Variants in ATG10 observed in about 807,000 individuals in gnomAD.
The protein encoded by ATG10 is autophagy related 10.
ATG10 carries 30 observed loss-of-function variants against 32.1 expected under a neutral mutation model. The observed-to-expected ratio is 0.94, with a 90% CI of 0.70 to 1.27. The LOEUF (loss-of-function observed/expected upper bound fraction) is 1.27. Among genes scored for constraint, ATG10 ranks in the 50% most tolerant of loss-of-function variants. The probability of loss-of-function intolerance (pLI) is 0.00; values close to 1 mark genes in which losing one functional copy is unlikely to be tolerated. For synonymous variants in ATG10, 87 were observed against 91.5 expected, an observed-to-expected ratio of 0.95 and a Z score of 0.28; for missense variants, 233 against 262.3, an observed-to-expected ratio of 0.89 and a Z score of 0.77.
chr5:82,110,634 T>G (rs926254240), intron 3 of ATG10, among the ~76,000 whole-genome samples: 4 of 152,162 alleles, frequency 2.6e-5, no homozygotes, highest in African/African-American at 9.7e-5. Context: ...TTTGCCCACT[T>G]TTTGATGGGG....
chr5:81,981,347 AT>A (rs1761043303), intron 1 of ATG10, among the ~76,000 whole-genome samples: 1 of 152,230 alleles, frequency 6.6e-6, no homozygotes, highest in South Asian at 2.1e-4. Flanking sequence ...AGGATTCCAC[AT>A]TTGAATTTGC....
intron 5 of ATG10, among the ~76,000 whole-genome samples, chr5:82,229,884 G>T (rs1019027208): frequency 6.6e-6 from 1 of 152,172 alleles, no homozygotes; most frequent in Non-Finnish European, 1.5e-5. Context: ...AAGGATGGCT[G>T]TACCAGCTCA....
At chr5:82,217,953 G>T (rs370141002) in intron 5 of ATG10, among the ~76,000 whole-genome samples, 1 of 151,318 alleles carries the variant, frequency 6.6e-6, no homozygotes, top group Non-Finnish European at 1.5e-5. Context: ...CTCTAGCCTG[G>T]GCAACAGATC....
intron 3 of ATG10, among the ~76,000 whole-genome samples, chr5:82,125,059 CAT>C (rs1766210308): frequency 1.3e-5 from 2 of 152,134 alleles, no homozygotes; most frequent in East Asian, 1.9e-4. Context: ...AGCATTTTTT[CAT>C]ATGTTTGTTA....
At chr5:82,157,687 G>A (rs1007617885) in intron 3 of ATG10, among the ~76,000 whole-genome samples, 2 of 152,128 alleles carry the variant, frequency 1.3e-5, no homozygotes, top group South Asian at 2.1e-4. Flanking sequence ...TTCATCAGTC[G>A]TTATCACTTC....
chr5:82,050,191 T>G (rs894197984), intron 2 of ATG10, among the ~76,000 whole-genome samples: 1 of 152,122 alleles, frequency 6.6e-6, no homozygotes, highest in African/African-American at 2.4e-5. Context: ...TTATTATTTA[T>G]AATAGCTATG....
intron 2 of ATG10, among the ~76,000 whole-genome samples, chr5:82,015,548 ACTTCT>A (rs901888795): frequency 1.3e-5 from 2 of 151,784 alleles, no homozygotes; most frequent in African/African-American, 4.8e-5. Flanking sequence ...TTTTCTCTAA[ACTTCT>A]CTTCTCGCTT....
At chr5:82,118,402 A>ATATATATATATATATATATATATATATG (rs1309574936) in intron 3 of ATG10, among the ~76,000 whole-genome samples, 24 of 136,340 alleles carry the variant, frequency 1.8e-4, no homozygotes, top group African/African-American at 5.9e-4. Flanking sequence ...ATATATATAT[A>ATATATATATATATATATATATATATATG]TATGTATGTA....
chr5:82,175,461 G>A (rs887747351), intron 4 of ATG10, among the ~76,000 whole-genome samples: 7 of 152,276 alleles, frequency 4.6e-5, no homozygotes, highest in Admixed American at 4.6e-4. Flanking sequence ...TGTTGTTTAA[G>A]GTGATGAAAA....
chr5:82,052,504 C>G (rs1160925672), intron 2 of ATG10, among the ~76,000 whole-genome samples: 1 of 152,114 alleles, frequency 6.6e-6, no homozygotes. Context: ...ATGTGGTGGC[C>G]TGGAGGCATA....
intron 4 of ATG10, among the ~76,000 whole-genome samples, chr5:82,170,621 C>CA (rs1581765877): frequency 6.6e-6 from 1 of 152,070 alleles, no homozygotes; most frequent in East Asian, 1.9e-4. Context: ...AGTTTGGGAT[C>CA]AAAACCTCAG....
chr5:82,116,232 T>C (rs577473737), intron 3 of ATG10, among the ~76,000 whole-genome samples: 1 of 152,202 alleles, frequency 6.6e-6, no homozygotes, highest in African/African-American at 2.4e-5. Context: ...CATATAGTAG[T>C]TGGCATTGAA....
At chr5:82,004,157 A>G (rs1161748240) in intron 2 of ATG10, among the ~76,000 whole-genome samples, 1 of 152,168 alleles carries the variant, frequency 6.6e-6, no homozygotes, top group African/African-American at 2.4e-5. Flanking sequence ...AAAGTATGGT[A>G]AAATTAAAAA....
intron 3 of ATG10, among the ~76,000 whole-genome samples, chr5:82,152,910 C>T (rs1767660501): frequency 6.6e-6 from 1 of 152,170 alleles, no homozygotes; most frequent in Non-Finnish European, 1.5e-5. Context: ...AATTTATACT[C>T]ATTCCACTTA....
At chr5:82,210,282 A>G (rs1409700895) in intron 5 of ATG10, among the ~76,000 whole-genome samples, 1 of 152,184 alleles carries the variant, frequency 6.6e-6, no homozygotes, top group Non-Finnish European at 1.5e-5. Context: ...TTTTCTCCAG[A>G]GAGGATTTAC....
At chr5:81,973,710 C>A (rs1194010748) in intron 1 of ATG10, among the ~76,000 whole-genome samples, 2 of 152,160 alleles carry the variant, frequency 1.3e-5, no homozygotes, top group Non-Finnish European at 2.9e-5. Context: ...CAAGTAGAAT[C>A]CTTTCTCATT....
At chr5:81,996,895 G>C (rs920994244) in intron 2 of ATG10, among the ~76,000 whole-genome samples, 1 of 152,146 alleles carries the variant, frequency 6.6e-6, no homozygotes, top group African/African-American at 2.4e-5. Flanking sequence ...AAATATGAAA[G>C]TACTTAGCAG....
intron 2 of ATG10, among the ~76,000 whole-genome samples, chr5:81,988,495 G>T (rs970911576): frequency 1.3e-5 from 2 of 150,676 alleles, no homozygotes; most frequent in East Asian, 2.0e-4. Flanking sequence ...GTACAGTGGC[G>T]CAATCTCGGC....
intron 5 of ATG10, among the ~76,000 whole-genome samples, chr5:82,200,267 A>G (rs973953992): frequency 6.6e-6 from 1 of 151,876 alleles, no homozygotes; most frequent in African/African-American, 2.4e-5. Flanking sequence ...TAGTTCCTCC[A>G]TGTCTTTACC....
Sources: gnomAD v4.1 joint callset for allele counts (sites outside exome capture counted in the v4.1 genomes callset) on GRCh38, gnomAD v4.1.1 for gene constraint, MANE v1.5 for transcripts, NCBI Gene and HGNC (gene_info 2026-07-23, HGNC 2026-07-21) for gene names.